Variants in ODAD2 observed in about 807,000 individuals in gnomAD.
The protein encoded by ODAD2 is outer dynein arm-docking complex subunit 2.
A neutral mutation model predicts 106.8 loss-of-function variants in ODAD2; 89 were observed. That is an observed-to-expected ratio of 0.83 (90% confidence interval 0.70 to 0.99). The LOEUF is 0.99. Ranked by LOEUF, ODAD2 falls within the 50% of genes least tolerant of loss-of-function variation. The pLI, the probability that ODAD2 is intolerant of heterozygous loss-of-function variation, is 0.00. For synonymous variants in ODAD2, 404 were observed against 436.2 expected, an observed-to-expected ratio of 0.93 and a Z score of 0.92; for missense variants, 1,168 against 1,238.5, an observed-to-expected ratio of 0.94 and a Z score of 0.85.
At chr10:27,885,077 A>G (rs1841984740) in intron 17 of ODAD2, among the ~76,000 whole-genome samples, 1 of 152,182 alleles carries the variant, frequency 6.6e-6, no homozygotes, top group African/African-American at 2.4e-5. Flanking sequence ...CAAAACTGAA[A>G]AAAGAAAATA....
At chr10:27,909,817 GAAAAAA>G (rs35449629) in intron 16 of ODAD2, among the ~76,000 whole-genome samples, 30 of 56,386 alleles carry the variant, frequency 5.3e-4, no homozygotes, top group East Asian at 3.8e-3. Flanking sequence ...GTCTTCATTT[GAAAAAA>G]AAAAAAAAAA....
At chr10:27,986,028 A>T (rs1318531914) in intron 3 of ODAD2, among the ~76,000 whole-genome samples, 1 of 152,164 alleles carries the variant, frequency 6.6e-6, no homozygotes, top group Non-Finnish European at 1.5e-5. Flanking sequence ...GGCCTATGAG[A>T]CTAATTCAGA....
At chr10:27,888,058 C>T (rs1022670969) in intron 17 of ODAD2, among the ~76,000 whole-genome samples, 7 of 151,908 alleles carry the variant, frequency 4.6e-5, no homozygotes, top group African/African-American at 9.7e-5. Flanking sequence ...AGCCTCCCAA[C>T]GAAGAAAAGG....
chr10:27,836,994 T>C (rs970122230), intron 19 of ODAD2, among the ~76,000 whole-genome samples: 10 of 152,176 alleles, frequency 6.6e-5, no homozygotes, highest in Admixed American at 4.6e-4. Context: ...GTCAGGCTCT[T>C]GAGTTGCCTT....
intron 16 of ODAD2, among the ~76,000 whole-genome samples, chr10:27,909,464 A>G (rs1455637319): frequency 6.6e-6 from 1 of 152,170 alleles, no homozygotes; most frequent in East Asian, 1.9e-4. Context: ...ACCTTAGGCA[A>G]TTCATCAGCT....
intron 19 of ODAD2, among the ~76,000 whole-genome samples, chr10:27,839,033 T>A (rs775416000): frequency 3.9e-5 from 6 of 152,210 alleles, no homozygotes; most frequent in Non-Finnish European, 7.3e-5. Flanking sequence ...AATCCTGGAC[T>A]GTTCAATTTA....
Position 27,940,785 on chromosome 10 carries a change from T to A in ODAD2, c.1764A>T (p.Ala588=). 1 of 1,614,106 alleles carries A rather than the reference T, an allele frequency of 6.2e-7. No individual in the cohort carries two copies. Among genetic ancestry groups the A allele is most frequent in the Non-Finnish European group, 8.5e-7 (1 of 1,179,962 alleles). Residue 588 remains alanine (A), a synonymous_variant, in exon 13 of 20, where the codon GCA becomes GCT. Transcript: ENST00000305242. The stretch of plus-strand genomic sequence containing the variant: ...ATTGGGCAGGTTTTGTGGAATCATG[T>A]GCACAGTCTAGTAGAGCAACCTATA... ...ITKLVALLDC[A]HDSTKPAQSS...
intron 17 of ODAD2, among the ~76,000 whole-genome samples, chr10:27,879,409 CAT>C (rs1841558899): frequency 6.6e-6 from 1 of 151,562 alleles, no homozygotes; most frequent in African/African-American, 2.4e-5. Flanking sequence ...TATATCTATG[CAT>C]ATGTCTTTTA....
At chr10:27,874,611 T>C (rs1172097466) in intron 17 of ODAD2, among the ~76,000 whole-genome samples, 8 of 152,238 alleles carry the variant, frequency 5.3e-5, no homozygotes, top group Non-Finnish European at 2.9e-5. Context: ...CCTTCACTTA[T>C]GAAGCTTAGT....
chr10:27,834,622 G>A (rs1254224490), intron 19 of ODAD2, among the ~76,000 whole-genome samples: 1 of 152,196 alleles, frequency 6.6e-6, no homozygotes, highest in African/African-American at 2.4e-5. Flanking sequence ...TGGAGAGGCA[G>A]GCAGGGGGCA....
intron 19 of ODAD2, among the ~76,000 whole-genome samples, chr10:27,819,089 CTTCCT>C (rs1836384501): frequency 1.3e-5 from 2 of 152,190 alleles, no homozygotes. Context: ...TTCACAGTCT[CTTCCT>C]TTCTTTACGT....
intron 10 of ODAD2, among the ~76,000 whole-genome samples, chr10:27,949,793 G>A (rs1184613226): frequency 1.3e-5 from 2 of 152,164 alleles, no homozygotes; most frequent in African/African-American, 2.4e-5. Flanking sequence ...GGTTACTGCA[G>A]GGATCCAGAG....
chr10:27,818,298 C>A (rs1296846123), intron 19 of ODAD2, among the ~76,000 whole-genome samples: 2 of 151,926 alleles, frequency 1.3e-5, no homozygotes, highest in East Asian at 1.9e-4. Context: ...AATTGTATAA[C>A]CCCTCGATTA....
At chr10:27,997,405 A>G (rs559543946) in intron 1 of ODAD2, 1 of 152,322 alleles carries the variant, frequency 6.6e-6, no homozygotes, top group Non-Finnish European at 1.5e-5. Context: ...TTGTTTTGGT[A>G]ATCTTATAAA....
At chr10:27,951,123 A>G (rs1308872044) in intron 10 of ODAD2, among the ~76,000 whole-genome samples, 1 of 152,226 alleles carries the variant, frequency 6.6e-6, no homozygotes, top group Non-Finnish European at 1.5e-5. Flanking sequence ...AAAAGATTAA[A>G]TGGATGAATG....
Position 27,827,379 on chromosome 10 carries a change from C to CTATA in ODAD2, c.3022-14758_3022-14755dup, listed in dbSNP as rs10580710. Among the ~76,000 whole-genome samples, 832 of 132,378 alleles carry CTATA rather than the reference C, an allele frequency of 6.3e-3. 5 individuals carry two copies. The highest frequency in any genetic ancestry group is 0.02 in the Middle Eastern group (5 of 254). 86.8% of individuals were successfully genotyped at this position (132,378 alleles called of 152,430 possible). A position where few individuals can be genotyped will look rare whatever the true frequency, so the allele number is the denominator to read the frequency against. On this transcript the variant is annotated intron_variant, in intron 19 of 19. Coordinates refer to ENST00000305242, the MANE Select transcript of ODAD2 (RefSeq NM_018076.5). ...AGACACACACATACACACACACACA[C>CTATA]TATATATATATATATATATATATAT...
chr10:27,856,129 A>G (rs1268980457), intron 19 of ODAD2, among the ~76,000 whole-genome samples: 1 of 152,180 alleles, frequency 6.6e-6, no homozygotes, highest in African/African-American at 2.4e-5. Context: ...CATATTTTCC[A>G]CATAGTTTCC....
At chr10:27,882,172 AAAAAG>A (rs1266525930) in intron 17 of ODAD2, among the ~76,000 whole-genome samples, 1 of 137,806 alleles carries the variant, frequency 7.3e-6, no homozygotes, top group Non-Finnish European at 1.6e-5. Flanking sequence ...TGTCATAAAA[AAAAAG>A]AAAGAAAGAA....
At chr10:27,817,564 C>A (rs1457699570) in intron 19 of ODAD2, among the ~76,000 whole-genome samples, 1 of 152,118 alleles carries the variant, frequency 6.6e-6, no homozygotes, top group African/African-American at 2.4e-5. Flanking sequence ...GTTTAGCTCT[C>A]ACTAATAAGT....
Sources: gnomAD v4.1 joint callset for allele counts (sites outside exome capture counted in the v4.1 genomes callset) on GRCh38, gnomAD v4.1.1 for gene constraint, MANE v1.5 for transcripts, NCBI Gene and HGNC (gene_info 2026-07-23, HGNC 2026-07-21) for gene names.